Variants in CHRNB4 observed in about 807,000 individuals in gnomAD.
CHRNB4 encodes the protein neuronal acetylcholine receptor subunit beta-4.
CHRNB4 carries 23 observed loss-of-function variants against 40.4 expected under a neutral mutation model. The ratio of observed to expected loss-of-function variants is 0.57; its 90% confidence interval spans 0.41 to 0.81. The LOEUF (loss-of-function observed/expected upper bound fraction) is 0.81, where lower values mean the gene tolerates loss of function less well. Ranked by LOEUF, CHRNB4 falls within the 30% of genes least tolerant of loss-of-function variation. The pLI is 0.00. For synonymous variants in CHRNB4, 285 were observed against 274.4 expected (o/e 1.04, Z -0.38); for missense variants, 568 against 670.6 (o/e 0.85, Z 1.69).
At chr15:78,652,234 C>G (rs889069974) in intron 6 of CHRNB4, among the ~76,000 whole-genome samples, 2 of 152,254 alleles carry the variant, frequency 1.3e-5, no homozygotes, top group African/African-American at 2.4e-5. Context: ...GCTCTCTGCT[C>G]TTCCCCTTTC....
In CHRNB4 at chr15:78,624,979, A is replaced by G. The variant is rs535351251; in HGVS notation, c.*154T>C. The G allele has an allele frequency of 6.4e-7, 1 of 1,572,644 alleles. No individual in the cohort carries two copies. Among genetic ancestry groups the G allele is most frequent in the South Asian group, 1.1e-5 (1 of 87,498 alleles). On this transcript the variant is annotated 3_prime_UTR_variant, in exon 6 of 6. Transcript: ENST00000261751. Reference sequence around the variant, plus strand: ...TTCAGAGAGGACAGCCCAGGCCCCCATCCTTGCCTGTTCCACGGCTGTGGC... The same window carrying G: ...TTCAGAGAGGACAGCCCAGGCCCCCGTCCTTGCCTGTTCCACGGCTGTGGC...
upstream of CHRNB4, among the ~76,000 whole-genome samples, chr15:78,643,993 C>CAAAAAAAAA: frequency 8.6e-6 from 1 of 115,952 alleles, no homozygotes; most frequent in African/African-American, 2.9e-5. Context: ...ACTAAAAATA[C>CAAAAAAAAA]AAAAAAAAAA....
chr15:78,643,640 A>G (rs1489664139), upstream of CHRNB4, among the ~76,000 whole-genome samples: 3 of 152,260 alleles, frequency 2.0e-5, no homozygotes, highest in South Asian at 6.2e-4. Flanking sequence ...CCTATAATAG[A>G]AATGAAGGAA....
chr15:78,629,936 C>T lies in CHRNB4; in HGVS notation c.369G>A (p.Gly123=), dbSNP rs2053763878. The change falls in exon 5 of 6, where the codon GGG becomes GGA. Residue 123 remains glycine (G), a synonymous_variant. Coordinates refer to ENST00000261751, the MANE Select transcript of CHRNB4 (RefSeq NM_000750.5). The surrounding 1 kb of genome is among the most constrained non-coding windows in gnomAD (Gnocchi z 6.8). ...TGGTGTAGACAGACACCTCATAGGT[C>T]CCGTCGGCGCTGGGCAGGGTCAGGG... is the stretch of plus-strand genomic sequence containing the variant. ...PDIVLYNNAD[G]TYEVSVYTNL... 1.9e-6 allele frequency: 3 copies of T among 1,579,906 alleles called. No homozygotes were observed. The highest frequency in any genetic ancestry group is 1.7e-4 in the Middle Eastern group (1 of 5,928).
At chr15:78,660,933 G>A (rs1287767912), upstream of CHRNB4, 1 of 388,672 alleles carries the variant, frequency 2.6e-6, no homozygotes, top group African/African-American at 2.1e-5. Flanking sequence ...GGATTTGATT[G>A]AAACGCAGTT....
At chr15:78,631,697 C>T (rs887262578) in intron 2 of CHRNB4, among the ~76,000 whole-genome samples, 1 of 152,214 alleles carries the variant, frequency 6.6e-6, no homozygotes, top group Non-Finnish European at 1.5e-5. Flanking sequence ...CCGCCACCAT[C>T]ATCTGTCACT....
At chr15:78,649,009 C>T (rs1282671978) in intron 7 of CHRNB4, among the ~76,000 whole-genome samples, 1 of 152,132 alleles carries the variant, frequency 6.6e-6, no homozygotes, top group East Asian at 1.9e-4. Flanking sequence ...AACTCGTGGG[C>T]TCAAGCAGTC....
At chr15:78,630,049 C>A in intron 4 of CHRNB4, 104 bp from the exon 5 acceptor site, 3 of 1,304,034 alleles carry the variant, frequency 2.3e-6, no homozygotes, top group Non-Finnish European at 3.0e-6. Context: ...TCCCACTAAT[C>A]ACCCTTCCAA....
rs1596114098 is a variant in CHRNB4 at position 78,637,707 on chromosome 15, GCAGCCGC to G, written c.56-2127_56-2121del. 2.6e-5 allele frequency among the ~76,000 whole-genome samples: 4 copies of G among 152,292 alleles called. No individual in the cohort carries two copies. In the East Asian group the frequency reaches 7.7e-4, roughly 29 times the overall value. On this transcript the variant is annotated intron_variant, in intron 1 of 5. Coordinates refer to ENST00000261751, the MANE Select transcript of CHRNB4 (RefSeq NM_000750.5). The stretch of plus-strand genomic sequence containing the variant: ...TGGGCTGGACTCCTGGTTGTGGGGA[GCAGCCGC>G]CACCCTGCCGACTTCATCCACTTTC...
intron 2 of CHRNB4, among the ~76,000 whole-genome samples, chr15:78,632,165 T>TCTTTC (rs1410324733): frequency 2.3e-5 from 3 of 128,944 alleles, no homozygotes; most frequent in African/African-American, 8.5e-5. Context: ...TTCTTTTCTT[T>TCTTTC]TCTTTCTCTT....
chr15:78,660,825 G>A, upstream of CHRNB4: 1 of 308,484 alleles, frequency 3.2e-6, no homozygotes, highest in South Asian at 3.3e-5. Context: ...CGGGGCTAGG[G>A]TGGGTAATTA....
At position 78,635,435 on chromosome 15, in the gene CHRNB4, C is replaced by A. The variant is rs368002906; in HGVS notation, c.204+4G>T. The stretch of plus-strand genomic sequence containing the variant: ...CCTGAGCCACAGCTGCCCTCTGCAC[C>A]TACCACGCTGATAAGCTGGGCCAGG... On this transcript the variant is annotated splice_donor_region_variant and intron_variant, in intron 2 of 5. Transcript: ENST00000261751. 7.8e-5 allele frequency: 126 copies of A among 1,613,370 alleles called. No individual in the cohort carries two copies. The highest frequency in any genetic ancestry group is 1.1e-4 in the Non-Finnish European group (124 of 1,179,872).
chr15:78,634,549 T>C (rs1332523671), intron 2 of CHRNB4: 3 of 345,102 alleles, frequency 8.7e-6, no homozygotes, highest in Non-Finnish European at 1.7e-5. Flanking sequence ...CTGAGGGCTG[T>C]AGGTTTGACA....
intron 2 of CHRNB4, chr15:78,634,544 G>A (rs540672218): frequency 8.7e-6 from 3 of 343,622 alleles, no homozygotes; most frequent in African/African-American, 2.1e-5. Flanking sequence ...CCTTCCTGAG[G>A]GCTGTAGGTT....
chr15:78,640,286 G>A (rs1173918621), intron 1 of CHRNB4, among the ~76,000 whole-genome samples: 2 of 152,162 alleles, frequency 1.3e-5, no homozygotes, highest in African/African-American at 2.4e-5. Flanking sequence ...AGGGCCCTTG[G>A]AATTCAGGTG....
chr15:78,634,428 C>T (rs943721395), intron 2 of CHRNB4, among the ~76,000 whole-genome samples: 9 of 152,214 alleles, frequency 5.9e-5, no homozygotes, highest in South Asian at 2.1e-4. Context: ...CCTTCTGGTC[C>T]GACTACGGAG....
At chr15:78,647,611 C>T (rs932437105) in intron 7 of CHRNB4, among the ~76,000 whole-genome samples, 9 of 150,558 alleles carry the variant, frequency 6.0e-5, no homozygotes, top group Admixed American at 6.0e-4. Flanking sequence ...CTTTGGGAGG[C>T]CAAGGCGGGC....
upstream of CHRNB4, among the ~76,000 whole-genome samples, chr15:78,644,768 C>A (rs961629931): frequency 2.0e-5 from 3 of 152,146 alleles, no homozygotes; most frequent in Non-Finnish European, 4.4e-5. Flanking sequence ...TCAAACAAAT[C>A]CCAATAGATT....
intron 6 of CHRNB4, among the ~76,000 whole-genome samples, chr15:78,652,196 A>G (rs11633178): frequency 0.29 from 44,563 of 152,200 alleles, 7,738 homozygotes; most frequent in Non-Finnish European, 0.41. Flanking sequence ...CTGCTGGGTC[A>G]TGGGGCCATA....
Sources: gnomAD v4.1 joint callset for allele counts (sites outside exome capture counted in the v4.1 genomes callset) on GRCh38, gnomAD v4.1.1 for gene constraint, Gnocchi (gnomAD v3.1) non-coding constraint, MANE v1.5 for transcripts, NCBI Gene and HGNC (gene_info 2026-07-23, HGNC 2026-07-21) for gene names.